The following PPFIBP1 variants were observed in gnomAD, a reference collection of about 807,000 sequenced individuals.
PPFIBP1 encodes the protein PPFIB scaffold protein 1, also known as liprin-beta-1.
Under a neutral mutation model 137.8 loss-of-function variants are expected in PPFIBP1, and 112 were observed. The ratio of observed to expected loss-of-function variants is 0.81; its 90% CI spans 0.70 to 0.95. The LOEUF is 0.95. Among genes scored for constraint, PPFIBP1 ranks in the 40% least tolerant of loss-of-function variants. The pLI is 0.00. For missense variants in PPFIBP1, 1,083 were observed against 1,196.6 expected (o/e 0.91, Z 1.40); for synonymous variants, 378 against 417.3 (o/e 0.91, Z 1.15).
intron 1 of PPFIBP1, among the ~76,000 whole-genome samples, chr12:27,533,882 GA>G (rs1944668538): frequency 6.6e-6 from 1 of 152,198 alleles, no homozygotes; most frequent in African/African-American, 2.4e-5. Context: ...GCCAAGGGAA[GA>G]AGCACAACGT....
At chr12:27,633,573 C>T in intron 3 of PPFIBP1, 113 bp downstream of exon 3, 1 of 759,996 alleles carries the variant, frequency 1.3e-6, no homozygotes, top group Non-Finnish European at 2.1e-6. Context: ...TAGACCTATG[C>T]CTTTTGCTTC....
chr12:27,671,153 A>T (rs1401687056), intron 13 of PPFIBP1, among the ~76,000 whole-genome samples: 1 of 152,166 alleles, frequency 6.6e-6, no homozygotes, highest in African/African-American at 2.4e-5. Context: ...AAGAAAAAAA[A>T]ATTACTATTA....
intron 19 of PPFIBP1, among the ~76,000 whole-genome samples, chr12:27,678,880 AAC>A (rs1566000454): frequency 7.3e-6 from 1 of 136,644 alleles, no homozygotes; most frequent in African/African-American, 2.6e-5. Context: ...AAAAAAAAAA[AAC>A]ATTTAAGAGA....
At position 27,673,837 on chromosome 12, in the gene PPFIBP1, G is replaced by A; in HGVS notation, c.1380+10G>A. ...AGAGACATCTGATGGGGTGGGTTCT[G>A]TGTTTTTTGTTTTTTTTTGTCTGTT... On this transcript the variant is annotated intron_variant, in intron 16 of 29. Transcript: ENST00000228425. 6.3e-7 allele frequency: 1 copy of A among 1,599,366 alleles called. No homozygotes were observed. The highest frequency in any genetic ancestry group is 8.6e-7 in the Non-Finnish European group (1 of 1,168,708).
At chr12:27,592,022 T>C (rs144476399) in intron 2 of PPFIBP1, among the ~76,000 whole-genome samples, 84 of 152,302 alleles carry the variant, frequency 5.5e-4, no homozygotes, top group African/African-American at 1.9e-3. Flanking sequence ...ACAGTAAGAA[T>C]GGGTGAGAGG....
Position 27,691,898 on chromosome 12 carries a change from T to C in PPFIBP1, c.2835T>C (p.Tyr945=). 1.2e-6 allele frequency: 2 copies of C among 1,612,902 alleles called. No individual in the cohort carries two copies. The highest frequency in any genetic ancestry group is 1.7e-6 in the Non-Finnish European group (2 of 1,179,670). The change falls in exon 28 of 30, where the codon TAT becomes TAC. Residue 945 remains tyrosine, a synonymous_variant. Coordinates refer to ENST00000228425, the MANE Select transcript of PPFIBP1 (RefSeq NM_003622.4). ...GFKPGLDMRL[Y]EEDDLDRLEQ... ...AACCTGGTTTGGATATGCGCCTGTA[T>C]GAGGAAGATGATTTGGACCGGTTAG... is the stretch of plus-strand genomic sequence containing the variant.
At chr12:27,619,127 C>G (rs1323276337) in intron 2 of PPFIBP1, among the ~76,000 whole-genome samples, 1 of 152,062 alleles carries the variant, frequency 6.6e-6, no homozygotes, top group African/African-American at 2.4e-5. Context: ...ATACGAGATC[C>G]AGGCACAGCC....
At chr12:27,593,681 T>G in intron 2 of PPFIBP1, 1 of 567,906 alleles carries the variant, frequency 1.8e-6, no homozygotes, top group South Asian at 2.2e-5. Flanking sequence ...TCCTCTCTTT[T>G]GGGAACTTGT....
chr12:27,528,504 G>A (rs567277702), intron 1 of PPFIBP1, among the ~76,000 whole-genome samples: 7 of 152,158 alleles, frequency 4.6e-5, no homozygotes, highest in African/African-American at 1.2e-4. Flanking sequence ...TGTCACTGCC[G>A]CAAAAATTGA....
chr12:27,679,847 G>C, intron 20 of PPFIBP1, 86 bp from the exon 21 acceptor site: 1 of 1,519,608 alleles, frequency 6.6e-7, no homozygotes, highest in Non-Finnish European at 9.0e-7. Context: ...ATTAGTTCCA[G>C]TAGGTGCACT....
chr12:27,579,809 G>A (rs1439636839), intron 2 of PPFIBP1, among the ~76,000 whole-genome samples: 4 of 152,140 alleles, frequency 2.6e-5, no homozygotes, highest in African/African-American at 9.7e-5. Flanking sequence ...GTAGCCAAGT[G>A]ATTTGTCTGC....
intron 2 of PPFIBP1, among the ~76,000 whole-genome samples, chr12:27,621,035 A>G (rs1375111858): frequency 6.6e-6 from 1 of 152,152 alleles, no homozygotes; most frequent in Non-Finnish European, 1.5e-5. Flanking sequence ...TGCAGTAGGT[A>G]CTTAATAAAT....
chr12:27,621,750 AT>A (rs2056363335), intron 2 of PPFIBP1, among the ~76,000 whole-genome samples: 2 of 152,350 alleles, frequency 1.3e-5, no homozygotes, highest in African/African-American at 4.8e-5. Context: ...ATAAAAACTT[AT>A]TCCTCCACAA....
chr12:27,588,580 A>G (rs189718600), intron 2 of PPFIBP1, among the ~76,000 whole-genome samples: 49 of 152,310 alleles, frequency 3.2e-4, no homozygotes, highest in African/African-American at 1.0e-3. Context: ...CTGAGTGGGT[A>G]TGCAGGAAAC....
chr12:27,656,900 G>A (rs2059234863), intron 9 of PPFIBP1, 170 bp downstream of exon 9: 1 of 523,528 alleles, frequency 1.9e-6, no homozygotes, highest in Non-Finnish European at 3.5e-6. Flanking sequence ...CTGTGACTGG[G>A]AATCCATTAA....
At chr12:27,579,580 T>G (rs141327343) in intron 2 of PPFIBP1, among the ~76,000 whole-genome samples, 1 of 152,350 alleles carries the variant, frequency 6.6e-6, no homozygotes, top group Non-Finnish European at 1.5e-5. Context: ...TCTACAATAT[T>G]ATGTACAATA....
At chr12:27,688,829 C>T (rs1256799240) in intron 26 of PPFIBP1, among the ~76,000 whole-genome samples, 186 bp from the exon 27 acceptor site, 1 of 152,152 alleles carries the variant, frequency 6.6e-6, no homozygotes. Flanking sequence ...CACTCACTAA[C>T]TTGGGAGAAA....
At chr12:27,598,593 T>C (rs1855503720) in intron 2 of PPFIBP1, among the ~76,000 whole-genome samples, 1 of 151,830 alleles carries the variant, frequency 6.6e-6, no homozygotes, top group South Asian at 2.1e-4. Context: ...ACTTTGAAAA[T>C]ATACAACTCA....
chr12:27,616,898 A>C (rs1008289637), intron 2 of PPFIBP1, among the ~76,000 whole-genome samples: 1 of 152,176 alleles, frequency 6.6e-6, no homozygotes, highest in South Asian at 2.1e-4. Flanking sequence ...AGAGACAGCC[A>C]TTATGAGAAA....
Sources: gnomAD v4.1 joint callset for allele counts (sites outside exome capture counted in the v4.1 genomes callset) on GRCh38, gnomAD v4.1.1 for gene constraint, MANE v1.5 for transcripts, NCBI Gene and HGNC (gene_info 2026-07-23, HGNC 2026-07-21) for gene names.